ZCCHC14: variants seen among roughly 807,000 people sequenced by gnomAD.
ZCCHC14 encodes zinc finger CCHC-type containing 14.
ZCCHC14 carries 16 observed loss-of-function variants against 85.0 expected under a neutral mutation model. That is an observed-to-expected ratio of 0.19 (90% CI 0.13 to 0.29). The LOEUF is 0.29. Ranked by LOEUF, ZCCHC14 falls within the 10% of genes least tolerant of loss-of-function variation. The pLI, the probability that ZCCHC14 is intolerant of heterozygous loss-of-function variation, is 1.00. For missense variants in ZCCHC14, 1,303 were observed against 1,443.5 expected (o/e 0.90, Z 1.58); for synonymous variants, 775 against 630.7 (o/e 1.23, Z -3.43).
In ZCCHC14 at chr16:87,412,517, T is replaced by C. The variant is rs200069943; in HGVS notation, c.2204A>G (p.His735Arg). 75 of 1,613,940 alleles carry C rather than the reference T, an allele frequency of 4.6e-5. 1 individual carries two copies. The Admixed American group carries it at 9.5e-4, about 20-fold the overall frequency. ...VSFGPRTKVV[H>R]ASTLDRVLKT... ...CAGCACCCTGTCCAGCGTGGATGCA[T>C]GCACGACTTTGGTCCGGGGACCAAA... Residue 735 changes from histidine (H) to arginine (R), a missense_variant, in exon 12 of 13, where the codon CAT (histidine) becomes CGT (arginine). Physicochemically the swap from His to Arg is conservative, Grantham distance 29. Coordinates refer to ENST00000671377, the MANE Select transcript of ZCCHC14 (RefSeq NM_015144.3).
intron 1 of ZCCHC14, chr16:87,470,498 G>A (rs140693678): frequency 1.3e-5 from 2 of 152,182 alleles, no homozygotes; most frequent in African/African-American, 4.8e-5. Context: ...TGTCTGGACA[G>A]CAAGGAGGCA....
chr16:87,450,613 C>T (rs1472776763), intron 2 of ZCCHC14, among the ~76,000 whole-genome samples: 1 of 150,596 alleles, frequency 6.6e-6, no homozygotes, highest in Non-Finnish European at 1.5e-5. Flanking sequence ...TCCTGTTGCC[C>T]AGACTGGAGT....
At position 87,492,267 on chromosome 16, in the gene ZCCHC14, G is replaced by C. The variant is rs1223509167; in HGVS notation, c.-29C>G. 2 of 979,696 alleles carry C rather than the reference G, an allele frequency of 2.0e-6. No homozygotes were observed. Among genetic ancestry groups the C allele is most frequent in the East Asian group, 1.2e-4 (1 of 8,650 alleles). 60.7% of individuals were successfully genotyped at this position (979,696 alleles called of 1,614,324 possible). Reference sequence around the variant, plus strand: ...GCCGCCCGCGCCGCGCCGCGACCCGGGGCCGGGGACCGCGCGGGGGCGGCC... The same window carrying C: ...GCCGCCCGCGCCGCGCCGCGACCCGCGGCCGGGGACCGCGCGGGGGCGGCC... On this transcript the variant is annotated 5_prime_UTR_variant, in exon 1 of 13. Coordinates refer to ENST00000671377, the MANE Select transcript of ZCCHC14 (RefSeq NM_015144.3). This position sits in a 1 kb window ranked among gnomAD's most constrained non-coding sequence, Gnocchi z 6.7.
chr16:87,417,418 C>G (rs759622151), intron 8 of ZCCHC14, 42 bp downstream of exon 8: 139 of 1,597,748 alleles, frequency 8.7e-5, no homozygotes, highest in Non-Finnish European at 1.1e-4. Context: ...CTTGAGTAAA[C>G]AATCTAGCAA....
intron 2 of ZCCHC14, among the ~76,000 whole-genome samples, chr16:87,445,796 G>C (rs779101529): frequency 1.1e-4 from 16 of 152,172 alleles, no homozygotes; most frequent in Non-Finnish European, 2.1e-4. Context: ...CAGGGTTGTA[G>C]TGTCTCTTTT....
chr16:87,426,117 GTCGC>G (rs199710890), intron 3 of ZCCHC14, among the ~76,000 whole-genome samples: 2,538 of 152,334 alleles, frequency 0.017, 25 homozygotes, highest in Middle Eastern at 0.044. Context: ...ACCAGCCCAT[GTCGC>G]TCGCTCTGCA....
rs116458268 is a variant in ZCCHC14, at chr16:87,485,759, T to C, written c.570+5910A>G. On this transcript the variant is annotated intron_variant, in intron 1 of 12. Transcript: ENST00000671377. The stretch of plus-strand genomic sequence containing the variant: ...AGCGCGAGTACCTCTTACTATTCTA[T>C]TCTACTAGCTGGACTCTGAAGTTTT... Among the ~76,000 whole-genome samples, 167 of 152,296 alleles carry C rather than the reference T, an allele frequency of 1.1e-3. 1 individual carries two copies. Among genetic ancestry groups the C allele is most frequent in the African/African-American group, 3.9e-3 (162 of 41,574 alleles).
At position 87,412,814 on chromosome 16, in the gene ZCCHC14, C is replaced by G. The variant is rs780609469; in HGVS notation, c.1907G>C (p.Ser636Thr). The G allele has an allele frequency of 1.4e-4, 227 of 1,611,382 alleles. No homozygotes were observed. Among genetic ancestry groups the G allele is most frequent in the Non-Finnish European group, 1.9e-4 (222 of 1,178,394 alleles). ...GATGGGTGTGATGTGTGAGGCTGCG[C>G]TCAGCATCTGCGGGGGCAGGGGGTG... ...GHHPLPPQML[S>T]AASHITPIRM... is the part of the protein sequence containing the mutation. Residue 636 changes from serine (S) to threonine (T), a missense_variant, in exon 12 of 13, where the codon AGC (serine) becomes ACC (threonine). Physicochemically the swap from Ser to Thr is moderately conservative, Grantham distance 58 (BLOSUM62 1). Transcript: ENST00000671377.
Position 87,410,291 on chromosome 16 carries a change from A to C in ZCCHC14, c.3250T>G (p.Ser1084Ala), listed in dbSNP as rs776318111. The C allele has an allele frequency of 1.3e-6, 1 of 775,730 alleles. No individual in the cohort carries two copies. The highest frequency in any genetic ancestry group is 2.4e-6 in the Non-Finnish European group (1 of 416,412). The allele number at this position is 775,730 out of a possible 1,614,324, so 48.1% of individuals were successfully genotyped here. The change falls in exon 13 of 13, where the codon TCC becomes GCC. Residue 1084 changes from serine to alanine, a missense_variant. Around this residue, in one of 7 missense-constraint regions of ZCCHC14, gnomAD observed 797 missense variants for 730.8 expected, o/e 1.09. Coordinates refer to ENST00000671377, the MANE Select transcript of ZCCHC14 (RefSeq NM_015144.3). The stretch of plus-strand genomic sequence containing the variant: ...GCCAGAGAAAAATATCAATCTGTGG[A>C]GTCCAGACTTTCTGCTGGAGGGGCG... Reference protein sequence around the residue: ...KYAPPAESLDSTD With the variant: ...KYAPPAESLDATD
At chr16:87,476,859 G>A (rs1256417548) in intron 1 of ZCCHC14, among the ~76,000 whole-genome samples, 1 of 151,986 alleles carries the variant, frequency 6.6e-6, no homozygotes, top group East Asian at 1.9e-4. Context: ...GGGCGCGGTG[G>A]CTCGTGCCTG....
intron 1 of ZCCHC14, among the ~76,000 whole-genome samples, chr16:87,477,142 C>CAAAAA (rs1567542354): frequency 2.5e-5 from 2 of 78,604 alleles, no homozygotes; most frequent in African/African-American, 1.3e-4. Flanking sequence ...AAAAAAAAAA[C>CAAAAA]AAAACAAAAC....
At chr16:87,484,765 G>A (rs1912439072) in intron 1 of ZCCHC14, among the ~76,000 whole-genome samples, 2 of 152,164 alleles carry the variant, frequency 1.3e-5, no homozygotes, top group Non-Finnish European at 1.5e-5. Flanking sequence ...TTGTTGGCTG[G>A]TAGAGGTGAG....
In ZCCHC14 at chr16:87,414,448, C is replaced by T. The variant is rs745570232; in HGVS notation, c.1569G>A (p.Gly523=). 12 of 1,613,380 alleles carry T rather than the reference C, an allele frequency of 7.4e-6. No homozygotes were observed. In the South Asian group the frequency reaches 1.3e-4, roughly 18 times the overall value. ...GGCTGCCCCGCCCCGACTGCACGGG[C>T]CCGACGTGGCTGGTGGGGGGCACTC... is the stretch of plus-strand genomic sequence containing the variant. The part of the protein sequence containing the change: ...VARVPPTSHV[G]PVQSGRGSHA... The change falls in exon 10 of 13, where the codon GGG becomes GGA. Residue 523 remains glycine (G), a synonymous_variant. Coordinates refer to ENST00000671377, the MANE Select transcript of ZCCHC14 (RefSeq NM_015144.3).
rs746396913 is a variant in ZCCHC14 at position 87,407,010 on chromosome 16, A to C, written c.*3270T>G. On this transcript the variant is annotated 3_prime_UTR_variant, in exon 13 of 13. Transcript: ENST00000671377. The stretch of plus-strand genomic sequence containing the variant: ...TGTACAACGAGCAAGGCATAAAATA[A>C]AACACTGGGAAGCAGGAAGAGTGAC... The C allele has an allele frequency of 3.3e-5, 5 of 152,266 alleles. No homozygotes were observed. The highest frequency in any genetic ancestry group is 7.3e-5 in the Non-Finnish European group (5 of 68,084). The allele number at this position is 152,266 out of a possible 1,614,324, so 9.4% of individuals were successfully genotyped here. A position where few individuals can be genotyped will look rare whatever the true frequency, so the allele number is the denominator to read the frequency against.
At chr16:87,427,382 C>T (rs1015307102) in intron 3 of ZCCHC14, among the ~76,000 whole-genome samples, 3 of 152,176 alleles carry the variant, frequency 2.0e-5, no homozygotes, top group African/African-American at 7.2e-5. Flanking sequence ...ACAGCGTACT[C>T]GGAGCAGTCA....
chr16:87,478,245 T>C (rs1912111482), intron 1 of ZCCHC14, among the ~76,000 whole-genome samples: 1 of 152,144 alleles, frequency 6.6e-6, no homozygotes, highest in African/African-American at 2.4e-5. Context: ...GAATCTACAG[T>C]GTCATCCCTA....
At chr16:87,473,195 T>C (rs946853285) in intron 1 of ZCCHC14, 33 of 151,362 alleles carry the variant, frequency 2.2e-4, no homozygotes, top group African/African-American at 8.0e-4. Flanking sequence ...GTTATCTTTA[T>C]CTACAGGACT....
chr16:87,431,404 C>A (rs1187239203), intron 3 of ZCCHC14, among the ~76,000 whole-genome samples: 3 of 138,486 alleles, frequency 2.2e-5, no homozygotes, highest in African/African-American at 8.1e-5. Flanking sequence ...ACCCGGGAGG[C>A]GGAGCTTACA....
At chr16:87,440,138 G>A (rs1024674880) in intron 2 of ZCCHC14, among the ~76,000 whole-genome samples, 2 of 151,994 alleles carry the variant, frequency 1.3e-5, no homozygotes, top group African/African-American at 4.8e-5. Context: ...TGACTGAAAT[G>A]CATGCGACAG....
Sources: allele counts gnomAD v4.1 joint callset (sites outside exome capture counted in the v4.1 genomes callset), GRCh38; gene constraint gnomAD v4.1.1; regional missense constraint gnomAD v4.1.1; non-coding constraint Gnocchi (gnomAD v3.1); transcripts MANE v1.5; gene names NCBI Gene and HGNC (gene_info 2026-07-23, HGNC 2026-07-21).